Variants in NAV2 observed in about 807,000 individuals in gnomAD.
NAV2 encodes the protein helicase, APC down-regulated 1.
In NAV2, 54 loss-of-function variants were observed where a neutral mutation model predicts 223.2. The observed-to-expected ratio is 0.24, with a 90% CI of 0.19 to 0.30. NAV2 has a LOEUF of 0.30. Among genes scored for constraint, NAV2 ranks in the 10% least tolerant of loss-of-function variants. The probability of loss-of-function intolerance (pLI) is 1.00; values close to 1 mark genes in which losing one functional copy is unlikely to be tolerated. For missense variants in NAV2, 2,806 were observed against 3,147.5 expected (o/e 0.89, Z 2.60); for synonymous variants, 1,279 against 1,239.3 (o/e 1.03, Z -0.67).
chr11:19,862,489 C>T (rs2061847753), intron 3 of NAV2, among the ~76,000 whole-genome samples: 1 of 152,238 alleles, frequency 6.6e-6, no homozygotes, highest in Admixed American at 6.5e-5. Context: ...CGGAGCCCCT[C>T]TTATGACAGG....
In NAV2 at chr11:19,877,467, A is replaced by ATTCTTTTTTTTTTTTTTCTTTTTTCTT. The variant is rs1457243644; in HGVS notation, c.512-2385_512-2384insCTTTTTTCTTTTCTTTTTTTTTTTTTT. Among the ~76,000 whole-genome samples, 170 of 75,848 alleles carry ATTCTTTTTTTTTTTTTTCTTTTTTCTT rather than the reference A, an allele frequency of 2.2e-3. 24 individuals are homozygous for ATTCTTTTTTTTTTTTTTCTTTTTTCTT. Among genetic ancestry groups the ATTCTTTTTTTTTTTTTTCTTTTTTCTT allele is most frequent in the African/African-American group, 8.5e-3 (133 of 15,696 alleles). The allele number at this position is 75,848 out of a possible 152,430, so 49.8% of individuals were successfully genotyped here. A position where few individuals can be genotyped will look rare whatever the true frequency, so the allele number is the denominator to read the frequency against. ...GTCAGACCTTGCTTGGCTTATCTTCATTCTTTTTTTTTTTTTTTTTTTTGA... is the reference window on the plus strand; with the variant it reads ...GTCAGACCTTGCTTGGCTTATCTTCATTCTTTTTTTTTTTTTTCTTTTTTCTTTTCTTTTTTTTTTTTTTTTTTTTGA... On this transcript the variant is annotated intron_variant, in intron 4 of 37. Transcript: ENST00000349880.
intron 1 of NAV2, among the ~76,000 whole-genome samples, chr11:19,431,181 G>A (rs1396643933): frequency 6.6e-6 from 1 of 152,228 alleles, no homozygotes; most frequent in Non-Finnish European, 1.5e-5. Flanking sequence ...GATAAAGAGT[G>A]CATCCCTTCA....
intron 26 of NAV2, among the ~76,000 whole-genome samples, chr11:20,084,255 G>A (rs2060276230): frequency 6.6e-6 from 1 of 152,158 alleles, no homozygotes; most frequent in South Asian, 2.1e-4. Context: ...ATGCCACCAT[G>A]CCCAGCTAAT....
chr11:19,794,314 G>A (rs936174419), intron 1 of NAV2, among the ~76,000 whole-genome samples: 10 of 152,086 alleles, frequency 6.6e-5, no homozygotes, highest in Non-Finnish European at 1.0e-4. Context: ...GGTCCCACAC[G>A]CCATATATCG....
intron 6 of NAV2, chr11:19,931,692 C>G (rs1042964836): frequency 3.3e-5 from 5 of 151,772 alleles, no homozygotes; most frequent in African/African-American, 1.2e-4. Flanking sequence ...GAAACATGAG[C>G]AGTTTAACCG....
intron 1 of NAV2, among the ~76,000 whole-genome samples, chr11:19,479,893 G>A (rs551626639): frequency 6.6e-6 from 1 of 152,296 alleles, no homozygotes; most frequent in Non-Finnish European, 1.5e-5. Flanking sequence ...GAAAAAGAAG[G>A]CCGAGGCTAG....
At position 20,076,299 on chromosome 11, in the gene NAV2, A is replaced by G. The variant is rs765483450; in HGVS notation, c.4984-1253A>G. On this transcript the variant is annotated intron_variant, in intron 22 of 37. Coordinates refer to ENST00000349880, the MANE Select transcript of NAV2 (RefSeq NM_145117.5). ...CTTCATCTAAGTGCTTTTCTTTTCAATCCTTTAATTGCTCATCCAACATAT... is the reference window on the plus strand; with the variant it reads ...CTTCATCTAAGTGCTTTTCTTTTCAGTCCTTTAATTGCTCATCCAACATAT... Among the ~76,000 whole-genome samples, 8 of 152,180 alleles carry G rather than the reference A, an allele frequency of 5.3e-5. No individual in the cohort carries two copies. The East Asian group carries it at 1.5e-3, about 29-fold the overall frequency.
rs1211227223 is a variant in NAV2, at chr11:19,413,134, T to G, written c.75+62107T>G. On this transcript the variant is annotated intron_variant, in intron 1 of 37. Coordinates refer to the NAV2 transcript ENST00000360655. ...TGGGTAATAACAAACTCCTTCCAGC[T>G]AAGGGAGCATGTTCTAACCCAATGC... Among the ~76,000 whole-genome samples, 70 of 152,050 alleles carry G rather than the reference T, an allele frequency of 4.6e-4. 1 individual carries two copies. The highest frequency in any genetic ancestry group is 4.3e-3 in the Admixed American group (66 of 15,260).
chr11:19,724,129 T>G (rs998898224), intron 1 of NAV2, among the ~76,000 whole-genome samples: 1 of 152,156 alleles, frequency 6.6e-6, no homozygotes, highest in Non-Finnish European at 1.5e-5. Flanking sequence ...ATAGCTCCAT[T>G]GTACAGATGA....
At chr11:20,085,210 A>T (rs1565026321) in intron 26 of NAV2, among the ~76,000 whole-genome samples, 1 of 147,960 alleles carries the variant, frequency 6.8e-6, no homozygotes, top group Non-Finnish European at 1.5e-5. Flanking sequence ...AAAAAAAAAA[A>T]GTTAAACAGA....
At chr11:19,699,851 C>T (rs1313275616) in intron 1 of NAV2, among the ~76,000 whole-genome samples, 1 of 152,096 alleles carries the variant, frequency 6.6e-6, no homozygotes, top group Non-Finnish European at 1.5e-5. Context: ...AGGGAGCTTC[C>T]ATCACACACT....
At chr11:19,895,913 G>A (rs999456650) in intron 6 of NAV2, among the ~76,000 whole-genome samples, 3 of 152,010 alleles carry the variant, frequency 2.0e-5, no homozygotes, top group Non-Finnish European at 4.4e-5. Flanking sequence ...ACAGGTACCT[G>A]GATGAGGTCA....
Position 20,049,888 on chromosome 11 carries a change from A to G in NAV2, c.4423A>G (p.Arg1475Gly). 6.2e-7 allele frequency: 1 copy of G among 1,614,138 alleles called. No individual in the cohort carries two copies. Among genetic ancestry groups the G allele is most frequent in the Non-Finnish European group, 8.5e-7 (1 of 1,180,008 alleles). ...SPKFCRSTLP[R>G]KQDSDPHLDR... ...TAAGTTCTGCAGAAGTACTCTGCCC[A>G]GGAAACAGGACAGGTAATGACATTG... is the stretch of plus-strand genomic sequence containing the variant. Residue 1475 changes from arginine to glycine, a missense_variant, in exon 16 of 38, where the codon AGG becomes GGG. Physicochemically the swap from Arg to Gly is moderately radical, Grantham distance 125 (BLOSUM62 -2). Around this residue, in one of 4 missense-constraint regions of NAV2, gnomAD observed 742 missense variants for 777.9 expected, o/e 0.95. Transcript: ENST00000349880.
intron 1 of NAV2, among the ~76,000 whole-genome samples, chr11:19,440,803 C>T (rs1223012880): frequency 6.6e-6 from 1 of 152,144 alleles, no homozygotes; most frequent in East Asian, 1.9e-4. Context: ...CTTGGTTTAA[C>T]CTTCACCCTC....
At chr11:19,985,343 G>T (rs1364111589) in intron 11 of NAV2, among the ~76,000 whole-genome samples, 2 of 152,118 alleles carry the variant, frequency 1.3e-5, no homozygotes, top group African/African-American at 4.8e-5. Flanking sequence ...GAGTTGTTAG[G>T]AACTTGGGAT....
Position 20,055,821 on chromosome 11 carries a change from G to A in NAV2, c.4695G>A (p.Arg1565=), listed in dbSNP as rs371386058. 4.3e-6 allele frequency: 7 copies of A among 1,613,984 alleles called. No individual in the cohort carries two copies. In the African/African-American group the frequency reaches 8.0e-5, roughly 18 times the overall value. ...GCTTGTCCAACCCGACCATGCTGAG[G>A]ACTCACAGCCTCTCCAATGCTGATG... is the stretch of plus-strand genomic sequence containing the variant. ...QMSLSNPTML[R]THSLSNADGQ... is the part of the protein sequence containing the mutation. Residue 1565 remains arginine, a synonymous_variant, in exon 19 of 38, where the codon AGG becomes AGA. Transcript: ENST00000349880.
At chr11:19,503,493 T>C (rs749527412) in intron 1 of NAV2, 4 of 152,240 alleles carry the variant, frequency 2.6e-5, no homozygotes, top group Non-Finnish European at 4.4e-5. Context: ...AACACTGATC[T>C]TTTTACGGTC....
intron 3 of NAV2, among the ~76,000 whole-genome samples, chr11:19,853,525 G>A (rs768863397): frequency 2.6e-5 from 4 of 152,118 alleles, no homozygotes; most frequent in Non-Finnish European, 4.4e-5. Flanking sequence ...CTTTTTTAAA[G>A]CTCATCAGCT....
chr11:19,397,988 G>T (rs2133280061), intron 1 of NAV2, among the ~76,000 whole-genome samples: 1 of 152,336 alleles, frequency 6.6e-6, no homozygotes, highest in Non-Finnish European at 1.5e-5. Flanking sequence ...TTGATGCCAA[G>T]AGGGATGGCC....
Sources: gnomAD v4.1 joint callset for allele counts (sites outside exome capture counted in the v4.1 genomes callset) on GRCh38, gnomAD v4.1.1 for gene constraint, gnomAD v4.1.1 regional missense constraint, MANE v1.5 for transcripts, NCBI Gene and HGNC (gene_info 2026-07-23, HGNC 2026-07-21) for gene names.